The following CDH23 variants were observed in gnomAD, a reference collection of about 807,000 sequenced individuals.
The protein encoded by CDH23 is cadherin related 23.
CDH23 carries 189 observed loss-of-function variants against 317.1 expected under a neutral mutation model. The ratio of observed to expected loss-of-function variants is 0.60; its 90% CI spans 0.53 to 0.67. The LOEUF is 0.67. Among genes scored for constraint, CDH23 ranks in the 30% least tolerant of loss-of-function variants. The pLI is 0.00. For missense variants in CDH23, 4,401 were observed against 4,592.4 expected (o/e 0.96, Z 1.20); for synonymous variants, 1,839 against 1,876.8 (o/e 0.98, Z 0.52).
intron 38 of CDH23, chr10:71,761,026 T>C: frequency 1.7e-6 from 2 of 1,175,962 alleles, no homozygotes; most frequent in South Asian, 1.2e-5. Context: ...GTTCTCACGC[T>C]AGTGCCTACT....
intron 3 of CDH23, among the ~76,000 whole-genome samples, chr10:71,457,359 A>G (rs1850746632): frequency 6.6e-6 from 1 of 152,120 alleles, no homozygotes; most frequent in African/African-American, 2.4e-5. Flanking sequence ...TAGTACGATC[A>G]CCTTGTTCCA....
chr10:71,754,746 GAGTA>G (rs1020434680), intron 38 of CDH23, among the ~76,000 whole-genome samples: 28 of 152,318 alleles, frequency 1.8e-4, no homozygotes, highest in African/African-American at 6.3e-4. Flanking sequence ...TTGCAATGAG[GAGTA>G]AGTGAGAGCA....
Position 71,809,828 on chromosome 10 carries a change from G to C in CDH23, c.8731G>C (p.Asp2911His). ...CTTTGGGCTTCCTGCAGGGAGCATG[G>C]ACGGCATTCTGCGCACCTTCGACCT... ...VGQVFTMGSM[D>H]GILRTFDLFM... The change falls in exon 61 of 70, where the codon GAC (aspartate) becomes CAC (histidine). Residue 2911 changes from aspartate to histidine, a missense_variant. Coordinates refer to ENST00000224721, the MANE Select transcript of CDH23 (RefSeq NM_022124.6). 5.0e-6 allele frequency: 8 copies of C among 1,612,202 alleles called. No homozygotes were observed. Among genetic ancestry groups the C allele is most frequent in the Non-Finnish European group, 6.8e-6 (8 of 1,179,256 alleles).
chr10:71,504,207 C>T (rs1265054863), intron 3 of CDH23, among the ~76,000 whole-genome samples: 2 of 152,106 alleles, frequency 1.3e-5, no homozygotes, highest in African/African-American at 2.4e-5. Flanking sequence ...AATAGTTCTC[C>T]ATTCTGCCCT....
chr10:71,583,255 C>T (rs374446436), intron 9 of CDH23, among the ~76,000 whole-genome samples: 5 of 43,528 alleles, frequency 1.1e-4, no homozygotes, highest in East Asian at 1.0e-3. Flanking sequence ...GGGGTGGGGG[C>T]GGGGGTCCGG....
intron 3 of CDH23, among the ~76,000 whole-genome samples, chr10:71,482,433 A>G (rs966208924): frequency 6.6e-6 from 1 of 152,140 alleles, no homozygotes; most frequent in African/African-American, 2.4e-5. Context: ...TCTTCTTCTT[A>G]GCATAGGACT....
chr10:71,630,381 G>A (rs1266700219), intron 11 of CDH23, among the ~76,000 whole-genome samples: 1 of 152,196 alleles, frequency 6.6e-6, no homozygotes, highest in African/African-American at 2.4e-5. Flanking sequence ...AATTGACCCT[G>A]AGGGGCAGGG....
At chr10:71,403,642 A>G (rs944669564) in intron 1 of CDH23, among the ~76,000 whole-genome samples, 12 of 150,322 alleles carry the variant, frequency 8.0e-5, no homozygotes, top group Middle Eastern at 3.4e-3. Context: ...TCAGCCTCCC[A>G]AGTAGCTGGG....
chr10:71,441,052 C>T (rs1849852303), intron 2 of CDH23, among the ~76,000 whole-genome samples: 1 of 152,138 alleles, frequency 6.6e-6, no homozygotes, highest in Non-Finnish European at 1.5e-5. Context: ...TCACTCCCAT[C>T]CAGGCAGCCC....
chr10:71,532,710 TGTTTTTTTTTTTTTTTG>T (rs1564636256), intron 6 of CDH23, among the ~76,000 whole-genome samples: 43 of 89,238 alleles, frequency 4.8e-4, no homozygotes, highest in African/African-American at 1.4e-3. Context: ...CTTTTGTTTT[TGTTTTTTTTTTTTTTTG>T]TTTTTTTTTT....
rs1470815969 is a variant in CDH23, at chr10:71,759,970, TAC to T, written c.4846-17700_4846-17699del. Among the ~76,000 whole-genome samples, 594 of 79,020 alleles carry T rather than the reference TAC, an allele frequency of 7.5e-3. 80 individuals carry two copies. The highest frequency in any genetic ancestry group is 0.015 in the Middle Eastern group (2 of 130). The allele number at this position is 79,020 out of a possible 152,430, so 51.8% of individuals were successfully genotyped here. On this transcript the variant is annotated intron_variant, in intron 38 of 69. Transcript: ENST00000224721. ...ACATATATATACACACACATATATA[TAC>T]ACACACACATATATATACACACACA...
intron 3 of CDH23, among the ~76,000 whole-genome samples, chr10:71,495,012 G>A (rs1020399585): frequency 2.6e-5 from 4 of 152,092 alleles, no homozygotes; most frequent in South Asian, 2.1e-4. Context: ...TGGGGCCTTC[G>A]GAGGGTGGGA....
chr10:71,559,410 G>A (rs1857018058), intron 6 of CDH23, among the ~76,000 whole-genome samples: 1 of 152,196 alleles, frequency 6.6e-6, no homozygotes, highest in South Asian at 2.1e-4. Flanking sequence ...ACAAGTGACA[G>A]TGCCAGGACT....
At chr10:71,744,419 A>G (rs1839807647) in intron 38 of CDH23, among the ~76,000 whole-genome samples, 1 of 152,182 alleles carries the variant, frequency 6.6e-6, no homozygotes, top group African/African-American at 2.4e-5. Flanking sequence ...CCCAGAATAA[A>G]TGGGAATTGA....
At chr10:71,661,216 A>G (rs1863634778) in intron 14 of CDH23, among the ~76,000 whole-genome samples, 1 of 152,128 alleles carries the variant, frequency 6.6e-6, no homozygotes, top group Admixed American at 6.5e-5. Flanking sequence ...GACGAGACAG[A>G]AACTGAACTT....
chr10:71,786,390 G>A (rs912283321), intron 44 of CDH23, among the ~76,000 whole-genome samples: 3 of 152,006 alleles, frequency 2.0e-5, no homozygotes, highest in Non-Finnish European at 4.4e-5. Context: ...CTCTTTCTGG[G>A]CCTCAGTTTC....
At chr10:71,399,459 T>A (rs1847683307) in intron 1 of CDH23, among the ~76,000 whole-genome samples, 1 of 152,216 alleles carries the variant, frequency 6.6e-6, no homozygotes, top group South Asian at 2.1e-4. Context: ...AGATTGGAGC[T>A]TCTCTCTTTG....
In CDH23 at chr10:71,646,461, C is replaced by T. The variant is rs866712203; in HGVS notation, c.1293C>T (p.Leu431=). 1 of 1,613,400 alleles carries T rather than the reference C, an allele frequency of 6.2e-7. No individual in the cohort carries two copies. Among genetic ancestry groups the T allele is most frequent in the Non-Finnish European group, 8.5e-7 (1 of 1,179,658 alleles). The change falls in exon 14 of 70, where the codon CTC becomes CTT. Residue 431 remains leucine (L), a splice_region_variant and synonymous_variant. Transcript: ENST00000224721. ...GGGCCCCTGTTCTGCACCCCCAGCT[C>T]TTTGCCAATGAGAGTGTGCCTGACC... The part of the protein sequence containing the change: ...YETVDRYDFD[L]FANESVPDHV...
In CDH23 at chr10:71,812,005, TC is replaced by T; in HGVS notation, c.9372del (p.Phe3125LeufsTer32). 6.2e-7 allele frequency: 1 copy of T among 1,609,616 alleles called. No homozygotes were observed. The highest frequency in any genetic ancestry group is 8.5e-7 in the Non-Finnish European group (1 of 1,177,848). On this transcript the variant is annotated frameshift_variant, in exon 66 of 70. Transcript: ENST00000224721. LOFTEE classifies it high-confidence loss of function. Reference protein sequence around the residue: ...IMDMPNTNKYSFDGANPVWLD... With the variant: ...IMDMPNTNKYXFDGANPVWLD... ...GGACATGCCTAACACCAACAAGTAC[TC>T]CTTTGATGGGTGAGTGGGGTACTGG...
Sources: allele counts gnomAD v4.1 joint callset (sites outside exome capture counted in the v4.1 genomes callset), GRCh38; gene constraint gnomAD v4.1.1; transcripts MANE v1.5; gene names NCBI Gene and HGNC (gene_info 2026-07-23, HGNC 2026-07-21).